KSR2: variants seen among roughly 807,000 people sequenced by gnomAD.
The protein encoded by KSR2 is kinase suppressor of ras 2.
A neutral mutation model predicts 107.8 loss-of-function variants in KSR2; 25 were observed. The observed-to-expected ratio is 0.23, with a 90% CI of 0.17 to 0.32. The LOEUF (loss-of-function observed/expected upper bound fraction) is 0.32, where lower values mean the gene tolerates loss of function less well. Ranked by LOEUF, KSR2 falls within the 10% of genes least tolerant of loss-of-function variation. The pLI is 1.00. For missense variants in KSR2, 887 were observed against 1,268.9 expected (o/e 0.70, Z 4.57); for synonymous variants, 480 against 507.0 (o/e 0.95, Z 0.71).
At chr12:117,816,888 G>A (rs1226398578) in intron 3 of KSR2, among the ~76,000 whole-genome samples, 1 of 152,194 alleles carries the variant, frequency 6.6e-6, no homozygotes, top group Non-Finnish European at 1.5e-5. Context: ...CTCATAAGTG[G>A]CAAAGAGCTG....
At chr12:117,905,719 A>G (rs1040141843) in intron 1 of KSR2, among the ~76,000 whole-genome samples, 2 of 152,158 alleles carry the variant, frequency 1.3e-5, no homozygotes. Flanking sequence ...GGTTCAGATC[A>G]CTGCTCTGCC....
At chr12:117,951,173 G>T (rs1896354676) in intron 1 of KSR2, among the ~76,000 whole-genome samples, 1 of 152,094 alleles carries the variant, frequency 6.6e-6, no homozygotes, top group African/African-American at 2.4e-5. Flanking sequence ...CTCCCAAAGT[G>T]CTGGGATTAC....
intron 14 of KSR2, chr12:117,517,949 A>G (rs1277193268): frequency 4.3e-5 from 19 of 446,064 alleles, no homozygotes; most frequent in Non-Finnish European, 8.5e-5. Flanking sequence ...AGGGTTCTCC[A>G]TGCATCTGTC....
At chr12:117,837,272 C>A (rs1186606089) in intron 3 of KSR2, among the ~76,000 whole-genome samples, 1 of 152,180 alleles carries the variant, frequency 6.6e-6, no homozygotes, top group African/African-American at 2.4e-5. Flanking sequence ...AGCCCTCCTC[C>A]TCTCTCAGAC....
At position 117,762,531 on chromosome 12, in the gene KSR2, T is replaced by C. The variant is rs760543370; in HGVS notation, c.473-1007A>G. Among the ~76,000 whole-genome samples, 59 of 152,242 alleles carry C rather than the reference T, an allele frequency of 3.9e-4. No individual in the cohort carries two copies. In the Middle Eastern group the frequency reaches 0.01, roughly 26 times the overall value. ...TGCTCACAGAAGGATTTCACATGGT[T>C]ATTGGTGCTGGGAGGGAAATAAACA... On this transcript the variant is annotated intron_variant, in intron 3 of 19. Transcript: ENST00000339824.
At chr12:117,690,479 C>A (rs776206620) in intron 4 of KSR2, among the ~76,000 whole-genome samples, 1 of 151,932 alleles carries the variant, frequency 6.6e-6, no homozygotes, top group African/African-American at 2.4e-5. Flanking sequence ...GCAGGAGAAT[C>A]GCTTAAACCT....
At chr12:117,873,515 C>T (rs1433770091) in intron 1 of KSR2, among the ~76,000 whole-genome samples, 1 of 132,204 alleles carries the variant, frequency 7.6e-6, no homozygotes, top group Non-Finnish European at 1.5e-5. Context: ...GGATGGAGTA[C>T]AATGGCATGA....
chr12:117,648,392 C>T (rs1425402041), intron 5 of KSR2, among the ~76,000 whole-genome samples: 1 of 152,214 alleles, frequency 6.6e-6, no homozygotes, highest in Non-Finnish European at 1.5e-5. Flanking sequence ...TCTCTGATGA[C>T]CCCTAACGTC....
chr12:117,666,591 T>C (rs1342287572), intron 5 of KSR2, among the ~76,000 whole-genome samples: 4 of 152,232 alleles, frequency 2.6e-5, no homozygotes, highest in Non-Finnish European at 5.9e-5. Flanking sequence ...TTGCAAGAAC[T>C]AAATGGGGCC....
At chr12:117,604,143 C>T (rs1383481515) in intron 5 of KSR2, among the ~76,000 whole-genome samples, 1 of 152,174 alleles carries the variant, frequency 6.6e-6, no homozygotes, top group Non-Finnish European at 1.5e-5. Context: ...CTCAGCTGCA[C>T]ATGTGCACAG....
At chr12:117,524,390 G>A (rs1565883127) in intron 14 of KSR2, among the ~76,000 whole-genome samples, 3 of 152,188 alleles carry the variant, frequency 2.0e-5, no homozygotes, top group South Asian at 2.1e-4. Flanking sequence ...GGGGTTAGGC[G>A]TGGTAGCTTA....
chr12:117,597,397 G>A (rs967915753), intron 5 of KSR2, among the ~76,000 whole-genome samples: 1 of 152,176 alleles, frequency 6.6e-6, no homozygotes, highest in Non-Finnish European at 1.5e-5. Flanking sequence ...TCTTGTGATG[G>A]GGAATCCTCC....
intron 1 of KSR2, among the ~76,000 whole-genome samples, chr12:117,883,377 A>G (rs934692930): frequency 6.6e-6 from 1 of 152,242 alleles, no homozygotes; most frequent in Non-Finnish European, 1.5e-5. Context: ...GGCACATAGT[A>G]GATGACGAAA....
intron 12 of KSR2, among the ~76,000 whole-genome samples, chr12:117,528,871 C>T (rs75812400): frequency 0.01 from 1,581 of 152,312 alleles, 26 homozygotes; most frequent in African/African-American, 0.036. Flanking sequence ...TTAAGCAGAT[C>T]GCAAGCAGCT....
At chr12:117,678,245 G>A (rs11068622) in intron 4 of KSR2, among the ~76,000 whole-genome samples, 4,933 of 151,708 alleles carry the variant, frequency 0.033, 253 homozygotes, top group African/African-American at 0.11. Flanking sequence ...CCACCGCACC[G>A]GGCCAGTATT....
chr12:117,619,384 C>T (rs1428948205), intron 5 of KSR2, among the ~76,000 whole-genome samples: 1 of 151,874 alleles, frequency 6.6e-6, no homozygotes, highest in Non-Finnish European at 1.5e-5. Flanking sequence ...ACAACAGGCC[C>T]CAGTGTGTGA....
intron 3 of KSR2, among the ~76,000 whole-genome samples, chr12:117,792,181 A>T (rs1294035265): frequency 4.9e-5 from 5 of 102,120 alleles, no homozygotes; most frequent in Non-Finnish European, 9.2e-5. Flanking sequence ...CTACAAAAAA[A>T]AAAATAAATA....
At chr12:117,630,029 C>T (rs1882729912) in intron 5 of KSR2, among the ~76,000 whole-genome samples, 1 of 152,184 alleles carries the variant, frequency 6.6e-6, no homozygotes, top group Non-Finnish European at 1.5e-5. Context: ...AGAAGTGGGT[C>T]ATGGGAGTGC....
At chr12:117,950,749 A>AAATAAT (rs10700691) in intron 1 of KSR2, among the ~76,000 whole-genome samples, 13,818 of 131,886 alleles carry the variant, frequency 0.1, 831 homozygotes, top group African/African-American at 0.14. Context: ...AAAAAAAAAA[A>AAATAAT]AATAATAATA....
Sources: allele counts gnomAD v4.1 joint callset (sites outside exome capture counted in the v4.1 genomes callset), GRCh38; gene constraint gnomAD v4.1.1; transcripts MANE v1.5; gene names NCBI Gene and HGNC (gene_info 2026-07-23, HGNC 2026-07-21).